The following CADPS2 variants were observed in gnomAD, a reference collection of about 807,000 sequenced individuals.
The protein encoded by CADPS2 is calcium dependent secretion activator 2, also known as calcium-dependent secretion activator 2.
CADPS2 carries 93 observed loss-of-function variants against 172.5 expected under a neutral mutation model. The observed-to-expected ratio is 0.54, with a 90% CI of 0.46 to 0.64. The LOEUF (loss-of-function observed/expected upper bound fraction) is 0.64. Among genes scored for constraint, CADPS2 ranks in the 30% least tolerant of loss-of-function variants. The pLI, the probability that CADPS2 is intolerant of heterozygous loss-of-function variation, is 0.00. For missense variants in CADPS2, 1,420 were observed against 1,565.9 expected, an observed-to-expected ratio of 0.91 and a Z score of 1.57; for synonymous variants, 546 against 555.2, an observed-to-expected ratio of 0.98 and a Z score of 0.23.
At chr7:122,749,182 T>A (rs1044133172) in intron 1 of CADPS2, among the ~76,000 whole-genome samples, 1 of 152,106 alleles carries the variant, frequency 6.6e-6, no homozygotes, top group Non-Finnish European at 1.5e-5. Context: ...CTCCCACGTA[T>A]CACTGAAGAA....
chr7:122,634,287 G>A (rs528696859), intron 3 of CADPS2, among the ~76,000 whole-genome samples: 4 of 152,192 alleles, frequency 2.6e-5, no homozygotes. Context: ...GCTGAGCTAA[G>A]AAGCTGCTAT....
intron 3 of CADPS2, among the ~76,000 whole-genome samples, chr7:122,630,293 T>TC (rs1416229674): frequency 6.6e-6 from 1 of 151,272 alleles, no homozygotes; most frequent in Non-Finnish European, 1.5e-5. Context: ...TTTAAAAACA[T>TC]CCTCAAAGAG....
At chr7:122,482,054 A>T (rs1467368651) in intron 11 of CADPS2, among the ~76,000 whole-genome samples, 1 of 152,260 alleles carries the variant, frequency 6.6e-6, no homozygotes, top group Non-Finnish European at 1.5e-5. Context: ...ATTCAGCCAC[A>T]GTCTTAAAGT....
chr7:122,413,665 T>C lies in CADPS2; in HGVS notation c.2589+403A>G, dbSNP rs117989618. The stretch of plus-strand genomic sequence containing the variant: ...ACTCTAGCTTGAACATCCAGCAAAA[T>C]AAGTATCAGTGCAGAATGCAGTCCA... On this transcript the variant is annotated intron_variant, in intron 19 of 29. Coordinates refer to ENST00000449022, the MANE Select transcript of CADPS2 (RefSeq NM_017954.11). Among the ~76,000 whole-genome samples, 1,077 of 152,186 alleles carry C rather than the reference T, an allele frequency of 7.1e-3. 17 individuals are homozygous for C. Among genetic ancestry groups the C allele is most frequent in the East Asian group, 0.037 (188 of 5,140 alleles).
At chr7:122,620,364 A>C (rs2075446767) in intron 5 of CADPS2, among the ~76,000 whole-genome samples, 1 of 152,168 alleles carries the variant, frequency 6.6e-6, no homozygotes, top group African/African-American at 2.4e-5. Flanking sequence ...TTATGTTATA[A>C]TCTTTTATCT....
chr7:122,565,981 C>G (rs569919602), intron 7 of CADPS2, among the ~76,000 whole-genome samples: 11 of 152,152 alleles, frequency 7.2e-5, no homozygotes, highest in Admixed American at 6.6e-4. Flanking sequence ...ATCCTACTCT[C>G]TGCTTCTAAG....
At chr7:122,540,631 ATAT>A (rs1261446524) in intron 8 of CADPS2, among the ~76,000 whole-genome samples, 5 of 152,254 alleles carry the variant, frequency 3.3e-5, no homozygotes, top group Admixed American at 3.3e-4. Context: ...ACGGCAAGGC[ATAT>A]TATTAAGGTC....
At chr7:122,355,582 T>TA (rs11348437) in intron 27 of CADPS2, among the ~76,000 whole-genome samples, 133 of 142,272 alleles carry the variant, frequency 9.3e-4, no homozygotes, top group South Asian at 1.4e-3. Flanking sequence ...GCTGTCTTAT[T>TA]AAAAAAAAAA....
At chr7:122,660,514 T>C (rs1210124271) in intron 3 of CADPS2, among the ~76,000 whole-genome samples, 1 of 151,910 alleles carries the variant, frequency 6.6e-6, no homozygotes, top group Admixed American at 6.6e-5. Flanking sequence ...GCTACAAAGA[T>C]TTTAAAATTT....
At position 122,414,066 on chromosome 7, in the gene CADPS2, A is replaced by T; in HGVS notation, c.2589+2T>A. Reference sequence around the variant, plus strand: ...TAAAATAGTGGAAATCATTTTACTCACCTCTCTTCCCTGAGGGTTTCCAAG... The same window carrying T: ...TAAAATAGTGGAAATCATTTTACTCTCCTCTCTTCCCTGAGGGTTTCCAAG... On this transcript the variant is annotated splice_donor_variant, in intron 19 of 29. Coordinates refer to ENST00000449022, the MANE Select transcript of CADPS2 (RefSeq NM_017954.11). LOFTEE classifies it high-confidence loss of function. The T allele has an allele frequency of 6.5e-7, 1 of 1,548,148 alleles. No homozygotes were observed. The highest frequency in any genetic ancestry group is 8.6e-7 in the Non-Finnish European group (1 of 1,160,340).
chr7:122,603,486 C>T (rs541689090), intron 6 of CADPS2, among the ~76,000 whole-genome samples: 1 of 149,250 alleles, frequency 6.7e-6, no homozygotes, highest in Non-Finnish European at 1.5e-5. Context: ...AAAGCAAAGG[C>T]TAAAATAAAA....
At chr7:122,852,610 G>A (rs1270873275) in intron 1 of CADPS2, among the ~76,000 whole-genome samples, 1 of 152,130 alleles carries the variant, frequency 6.6e-6, no homozygotes, top group Non-Finnish European at 1.5e-5. Flanking sequence ...GAACTTTCAG[G>A]TACAGAGAAC....
intron 11 of CADPS2, among the ~76,000 whole-genome samples, chr7:122,483,412 G>T (rs78019976): frequency 2.0e-4 from 30 of 151,800 alleles, no homozygotes; most frequent in East Asian, 9.7e-4. Flanking sequence ...ACTTTTTTTC[G>T]TATATAAAGA....
At chr7:122,423,091 C>T (rs2048726616) in intron 17 of CADPS2, among the ~76,000 whole-genome samples, 1 of 152,194 alleles carries the variant, frequency 6.6e-6, no homozygotes, top group South Asian at 2.1e-4. Context: ...TCAACATCCT[C>T]CCTCTTTGCA....
chr7:122,779,705 A>T (rs537738406), intron 1 of CADPS2, among the ~76,000 whole-genome samples: 1 of 152,280 alleles, frequency 6.6e-6, no homozygotes, highest in South Asian at 2.1e-4. Context: ...ATGTCACAGC[A>T]AGCAAAGCCC....
rs573335928 is a variant in CADPS2, at chr7:122,707,635, G to T, written c.453+29320C>A. 2.0e-5 allele frequency among the ~76,000 whole-genome samples: 3 copies of T among 151,840 alleles called. No individual in the cohort carries two copies. In the East Asian group the frequency reaches 5.8e-4, roughly 29 times the overall value. ...ATTTAGGCTCAAACACTACAACTAT[G>T]TATGTTTTTTTTGCAAGAAATTAAA... is the stretch of plus-strand genomic sequence containing the variant. On this transcript the variant is annotated intron_variant, in intron 2 of 29. Coordinates refer to ENST00000449022, the MANE Select transcript of CADPS2 (RefSeq NM_017954.11).
intron 1 of CADPS2, among the ~76,000 whole-genome samples, chr7:122,834,670 AC>A (rs1232237395): frequency 1.3e-5 from 2 of 152,240 alleles, no homozygotes; most frequent in African/African-American, 4.8e-5. Flanking sequence ...TCCCACACCC[AC>A]GGAGCCTTGC....
intron 25 of CADPS2, among the ~76,000 whole-genome samples, chr7:122,369,332 C>T (rs1186974805): frequency 1.3e-5 from 2 of 151,874 alleles, no homozygotes; most frequent in Non-Finnish European, 2.9e-5. Flanking sequence ...GGGGTTTCAG[C>T]GTGTTAGCCA....
chr7:122,748,605 A>G (rs1314464671), intron 1 of CADPS2, among the ~76,000 whole-genome samples: 2 of 152,070 alleles, frequency 1.3e-5, no homozygotes, highest in East Asian at 3.9e-4. Flanking sequence ...ACATAAAATT[A>G]CTTTCCTCAG....
Sources: allele counts gnomAD v4.1 joint callset (sites outside exome capture counted in the v4.1 genomes callset), GRCh38; gene constraint gnomAD v4.1.1; transcripts MANE v1.5; gene names NCBI Gene and HGNC (gene_info 2026-07-23, HGNC 2026-07-21).